Variants in AK9 observed in about 807,000 individuals in gnomAD.
AK9 encodes adenylate kinase domain containing 1.
In AK9, 191 loss-of-function variants were observed where a neutral mutation model predicts 239.6. The ratio of observed to expected loss-of-function variants is 0.80; its 90% CI spans 0.71 to 0.90. The LOEUF is 0.90. Among genes scored for constraint, AK9 ranks in the 40% least tolerant of loss-of-function variants. The probability of loss-of-function intolerance (pLI) is 0.00; values close to 1 mark genes in which losing one functional copy is unlikely to be tolerated. For missense variants in AK9, 1,995 were observed against 2,214.7 expected (o/e 0.90, Z 1.99); for synonymous variants, 689 against 721.0 (o/e 0.96, Z 0.71).
chr6:109,679,671 C>G (rs1158791019), intron 1 of AK9, among the ~76,000 whole-genome samples: 1 of 152,182 alleles, frequency 6.6e-6, no homozygotes, highest in African/African-American at 2.4e-5. Flanking sequence ...AGACACCTCC[C>G]AGCAGGGGCC....
At chr6:109,568,856 A>C (rs1041835589) in intron 21 of AK9, among the ~76,000 whole-genome samples, 1 of 152,250 alleles carries the variant, frequency 6.6e-6, no homozygotes, top group Non-Finnish European at 1.5e-5. Context: ...CATACTGCCC[A>C]AAGTAATTTA....
At chr6:109,636,750 T>TCACACACACACACACA (rs57475668) in intron 10 of AK9, among the ~76,000 whole-genome samples, 17,918 of 135,126 alleles carry the variant, frequency 0.13, 1,374 homozygotes, top group South Asian at 0.26. Context: ...TAATATTCCA[T>TCACACACACACACACA]CACACACACA....
At chr6:109,579,242 A>C (rs1405647906) in intron 20 of AK9, 3 of 220,244 alleles carry the variant, frequency 1.4e-5, no homozygotes. Context: ...AAGAGCAATG[A>C]TTTAAAGACA....
chr6:109,533,602 A>G (rs1475036106), intron 27 of AK9, 132 bp from the exon 28 acceptor site: 1 of 599,258 alleles, frequency 1.7e-6, no homozygotes, highest in African/African-American at 1.9e-5. Flanking sequence ...TACATTCTTT[A>G]CTTGTCAATG....
At chr6:109,526,666 G>C (rs1780557370) in intron 29 of AK9, among the ~76,000 whole-genome samples, 1 of 152,206 alleles carries the variant, frequency 6.6e-6, no homozygotes, top group South Asian at 2.1e-4. Flanking sequence ...AGGGCTTCCT[G>C]ACACAGGTGC....
chr6:109,603,924 C>T (rs1044054016), intron 17 of AK9, among the ~76,000 whole-genome samples: 9 of 152,270 alleles, frequency 5.9e-5, no homozygotes, highest in Admixed American at 2.6e-4. Context: ...ATTGGAAAAG[C>T]GCAGTATTAG....
At chr6:109,608,387 T>C (rs763471091) in intron 17 of AK9, among the ~76,000 whole-genome samples, 16 of 150,928 alleles carry the variant, frequency 1.1e-4, no homozygotes, top group Non-Finnish European at 2.4e-4. Flanking sequence ...ACTACACATA[T>C]ATGGCCACTT....
At chr6:109,577,545 TTCA>T (rs1469526993) in intron 20 of AK9, among the ~76,000 whole-genome samples, 1 of 152,168 alleles carries the variant, frequency 6.6e-6, no homozygotes, top group Non-Finnish European at 1.5e-5. Flanking sequence ...TTGGAATAGT[TTCA>T]GTAAGATTGG....
intron 21 of AK9, among the ~76,000 whole-genome samples, chr6:109,572,548 G>A (rs980770699): frequency 6.6e-6 from 1 of 152,124 alleles, no homozygotes; most frequent in African/African-American, 2.4e-5. Context: ...CTTTTTAAGT[G>A]AACAAACCAG....
chr6:109,672,039 A>C (rs1453021408), intron 4 of AK9, 24 bp from the exon 5 acceptor site: 1 of 1,612,600 alleles, frequency 6.2e-7, no homozygotes, highest in Non-Finnish European at 8.5e-7. Context: ...TAGATATTGT[A>C]CATTACTGTA....
At chr6:109,641,075 T>C (rs1313292175) in intron 10 of AK9, among the ~76,000 whole-genome samples, 1 of 150,996 alleles carries the variant, frequency 6.6e-6, no homozygotes, top group African/African-American at 2.4e-5. Context: ...AGCTTCTTCC[T>C]AGAAATCACA....
chr6:109,615,276 T>G (rs1794043324), intron 13 of AK9, among the ~76,000 whole-genome samples: 1 of 146,446 alleles, frequency 6.8e-6, no homozygotes, highest in South Asian at 2.3e-4. Flanking sequence ...TTTTTTTGCC[T>G]TCTGCCTTCT....
chr6:109,575,399 A>G (rs1787938764), intron 20 of AK9, among the ~76,000 whole-genome samples: 1 of 151,990 alleles, frequency 6.6e-6, no homozygotes, highest in Admixed American at 6.6e-5. Context: ...GTATGTCACT[A>G]TGGTTTTGAT....
At chr6:109,516,202 C>A in intron 30 of AK9, 127 bp from the exon 31 acceptor site, 1 of 957,482 alleles carries the variant, frequency 1.0e-6, no homozygotes, top group Non-Finnish European at 1.5e-6. Flanking sequence ...TTTCAGCTTC[C>A]AAGTGGCTGC....
chr6:109,500,305 C>T (rs1448855607), intron 35 of AK9, among the ~76,000 whole-genome samples: 4 of 151,974 alleles, frequency 2.6e-5, no homozygotes, highest in Non-Finnish European at 1.5e-5. Context: ...CTTTAATGAA[C>T]AAGATTAAGA....
chr6:109,669,613 G>C (rs926616009), intron 5 of AK9, among the ~76,000 whole-genome samples: 1 of 152,060 alleles, frequency 6.6e-6, no homozygotes, highest in African/African-American at 2.4e-5. Flanking sequence ...GTTGAATTTT[G>C]TCAAAGGCCT....
chr6:109,595,003 A>C (rs1289124656), intron 17 of AK9, among the ~76,000 whole-genome samples: 1 of 152,252 alleles, frequency 6.6e-6, no homozygotes, highest in East Asian at 1.9e-4. Context: ...GCCAAAATTG[A>C]CAAATGGGAT....
chr6:109,507,691 A>C (rs1341856578), intron 33 of AK9, among the ~76,000 whole-genome samples: 2 of 152,188 alleles, frequency 1.3e-5, no homozygotes, highest in Non-Finnish European at 2.9e-5. Context: ...GTTTGACCTA[A>C]GCCACAGGAC....
chr6:109,690,172 G>C (rs1436509425), intron 1 of AK9, among the ~76,000 whole-genome samples: 2 of 152,084 alleles, frequency 1.3e-5, no homozygotes, highest in Non-Finnish European at 2.9e-5. Context: ...AAGCCCTCTA[G>C]CAGAGGTTTC....
Sources: allele counts gnomAD v4.1 joint callset (sites outside exome capture counted in the v4.1 genomes callset), GRCh38; gene constraint gnomAD v4.1.1; transcripts MANE v1.5; gene names NCBI Gene and HGNC (gene_info 2026-07-23, HGNC 2026-07-21).